Variants in PTPRD observed in about 807,000 individuals in gnomAD.
PTPRD encodes the protein receptor-type tyrosine-protein phosphatase delta.
In PTPRD, 34 loss-of-function variants were observed where a neutral mutation model predicts 214.5. The observed-to-expected ratio is 0.16, with a 90% CI of 0.12 to 0.21. The LOEUF (loss-of-function observed/expected upper bound fraction) is 0.21, where lower values mean the gene tolerates loss of function less well. PTPRD is among the 10% of genes least tolerant of loss of function. The pLI, the probability that PTPRD is intolerant of heterozygous loss-of-function variation, is 1.00. For missense variants in PTPRD, 2,545 were observed against 2,398.7 expected, an observed-to-expected ratio of 1.06 and a Z score of -1.27; for synonymous variants, 1,128 against 845.7, an observed-to-expected ratio of 1.33 and a Z score of -5.79.
chr9:9,211,515 GCACACACACACA>G (rs36213005), intron 9 of PTPRD, among the ~76,000 whole-genome samples: 3,496 of 143,616 alleles, frequency 0.024, 43 homozygotes, highest in Non-Finnish European at 0.028. Context: ...GTGTGCGCAC[GCACACACACACA>G]CACACACACA....
At chr9:10,027,369 A>T (rs193264058) in intron 4 of PTPRD, among the ~76,000 whole-genome samples, 33 of 152,294 alleles carry the variant, frequency 2.2e-4, no homozygotes, top group Non-Finnish European at 4.1e-4. Context: ...ACCTTTTCCA[A>T]GCTGTCAGGG....
intron 8 of PTPRD, among the ~76,000 whole-genome samples, chr9:9,513,612 C>T (rs869191228): frequency 6.6e-6 from 1 of 151,102 alleles, no homozygotes; most frequent in African/African-American, 2.4e-5. Flanking sequence ...TAAAAAATCT[C>T]AGTCTCATTT....
chr9:9,556,164 TTAAAA>T (rs2081461465), intron 8 of PTPRD, among the ~76,000 whole-genome samples: 1 of 152,104 alleles, frequency 6.6e-6, no homozygotes, highest in African/African-American at 2.4e-5. Flanking sequence ...TATTGTATTA[TTAAAA>T]TAAAGTAAGC....
intron 9 of PTPRD, among the ~76,000 whole-genome samples, chr9:9,190,573 T>C (rs2099934511): frequency 6.6e-6 from 1 of 151,970 alleles, no homozygotes; most frequent in Non-Finnish European, 1.5e-5. Context: ...TTAGCCCCTT[T>C]CCTCTCTCTC....
intron 9 of PTPRD, among the ~76,000 whole-genome samples, chr9:9,193,489 C>G (rs2099936483): frequency 6.6e-6 from 1 of 152,128 alleles, no homozygotes; most frequent in African/African-American, 2.4e-5. Flanking sequence ...ATGCACACCA[C>G]AGAGTGTACT....
rs78494832 is a variant in PTPRD, at chr9:9,241,405, T to C, written c.-202-58042A>G. On this transcript the variant is annotated intron_variant, in intron 9 of 45. Transcript: ENST00000381196. Reference sequence around the variant, plus strand: ...CAATAAGAAAATATTCTCTTTGTAATAGGATACAAGGGGAAACACTTCTTA... The same window carrying C: ...CAATAAGAAAATATTCTCTTTGTAACAGGATACAAGGGGAAACACTTCTTA... 4.6e-5 allele frequency among the ~76,000 whole-genome samples: 7 copies of C among 152,258 alleles called. No homozygotes were observed. The East Asian group carries it at 1.4e-3, about 30-fold the overall frequency.
chr9:8,862,879 T>C (rs1326754040), intron 11 of PTPRD, among the ~76,000 whole-genome samples: 2 of 138,476 alleles, frequency 1.4e-5, no homozygotes, highest in East Asian at 4.4e-4. Context: ...TGAGATCACA[T>C]GGACACAGGA....
At chr9:8,571,288 G>T (rs548372994) in intron 14 of PTPRD, among the ~76,000 whole-genome samples, 1 of 152,188 alleles carries the variant, frequency 6.6e-6, no homozygotes, top group East Asian at 1.9e-4. Flanking sequence ...TTAAGAGGCA[G>T]GGCCAGCTGA....
At chr9:8,698,667 C>A (rs915353241) in intron 12 of PTPRD, among the ~76,000 whole-genome samples, 1 of 152,154 alleles carries the variant, frequency 6.6e-6, no homozygotes, top group Non-Finnish European at 1.5e-5. Context: ...GGATTCTACA[C>A]CTGCCGCCTC....
At chr9:10,359,341 ATCTCT>A (rs2097334615) in intron 2 of PTPRD, among the ~76,000 whole-genome samples, 1 of 151,998 alleles carries the variant, frequency 6.6e-6, no homozygotes, top group African/African-American at 2.4e-5. Flanking sequence ...AAACAGTTAC[ATCTCT>A]TCTCTTCTTT....
rs1015200508 is a variant in PTPRD, at chr9:8,695,437, A to G, written c.64+38343T>C. ...ATACACAGCAGGTTACTATAGAATG[A>G]GAGTAGATAAAATCTGGGTCAATGT... On this transcript the variant is annotated intron_variant, in intron 12 of 45. Coordinates refer to ENST00000381196, the MANE Select transcript of PTPRD (RefSeq NM_002839.4). 5.3e-5 allele frequency among the ~76,000 whole-genome samples: 8 copies of G among 150,490 alleles called. 1 individual carries two copies. Among genetic ancestry groups the G allele is most frequent in the African/African-American group, 1.9e-4 (8 of 41,204 alleles).
intron 43 of PTPRD, among the ~76,000 whole-genome samples, chr9:8,333,223 G>T (rs185511897): frequency 2.2e-4 from 34 of 152,292 alleles, no homozygotes; most frequent in Admixed American, 3.9e-4. Context: ...TCTGTTTCTG[G>T]AAAAGATTTG....
chr9:9,369,209 G>C (rs2058736853), intron 9 of PTPRD, among the ~76,000 whole-genome samples: 2 of 151,974 alleles, frequency 1.3e-5, no homozygotes. Context: ...GGTTGAACTA[G>C]TTTACAGTCC....
intron 3 of PTPRD, among the ~76,000 whole-genome samples, chr9:10,078,227 C>G (rs1033861397): frequency 6.6e-6 from 1 of 151,426 alleles, no homozygotes; most frequent in East Asian, 2.0e-4. Flanking sequence ...AAGAACCCAC[C>G]TAGGGCCGGG....
chr9:10,152,043 T>G (rs2099064504), intron 3 of PTPRD, among the ~76,000 whole-genome samples: 1 of 152,206 alleles, frequency 6.6e-6, no homozygotes, highest in Admixed American at 6.5e-5. Flanking sequence ...TATTTTACAT[T>G]CATAAATACC....
chr9:9,192,007 C>G (rs995410781), intron 9 of PTPRD, among the ~76,000 whole-genome samples: 6 of 151,952 alleles, frequency 3.9e-5, no homozygotes, highest in Admixed American at 2.6e-4. Context: ...AATAGCTAAC[C>G]CAATTCCTGT....
intron 12 of PTPRD, among the ~76,000 whole-genome samples, chr9:8,646,519 G>T (rs1233632158): frequency 6.6e-6 from 1 of 151,946 alleles, no homozygotes; most frequent in Non-Finnish European, 1.5e-5. Context: ...CGATGCCTCA[G>T]TACAGGCTGT....
At chr9:10,440,380 C>T (rs1320507875) in intron 2 of PTPRD, among the ~76,000 whole-genome samples, 1 of 151,666 alleles carries the variant, frequency 6.6e-6, no homozygotes, top group Non-Finnish European at 1.5e-5. Context: ...ATAAAATATA[C>T]AGTACTATCA....
At chr9:9,834,208 T>C (rs540784409) in intron 5 of PTPRD, among the ~76,000 whole-genome samples, 33 of 152,212 alleles carry the variant, frequency 2.2e-4, no homozygotes, top group Middle Eastern at 3.4e-3. Context: ...AGCCGGTCCC[T>C]CTGTTTGGGG....
Sources: gnomAD v4.1 joint callset for allele counts (sites outside exome capture counted in the v4.1 genomes callset) on GRCh38, gnomAD v4.1.1 for gene constraint, MANE v1.5 for transcripts, NCBI Gene and HGNC (gene_info 2026-07-23, HGNC 2026-07-21) for gene names.